ABCC4: variants seen among roughly 807,000 people sequenced by gnomAD.
The protein encoded by ABCC4 is ATP-binding cassette sub-family C member 4.
A neutral mutation model predicts 168.5 loss-of-function variants in ABCC4; 102 were observed. That is an observed-to-expected ratio of 0.61 (90% confidence interval 0.52 to 0.71). The LOEUF is 0.71. Among genes scored for constraint, ABCC4 ranks in the 30% least tolerant of loss-of-function variants. The pLI is 0.00. For synonymous variants in ABCC4, 617 were observed against 590.7 expected, an observed-to-expected ratio of 1.04 and a Z score of -0.65; for missense variants, 1,402 against 1,605.8, an observed-to-expected ratio of 0.87 and a Z score of 2.17.
At chr13:95,231,624 G>T (rs1242114804) in intron 4 of ABCC4, among the ~76,000 whole-genome samples, 1 of 152,202 alleles carries the variant, frequency 6.6e-6, no homozygotes, top group African/African-American at 2.4e-5. Context: ...ACCTGGGCAT[G>T]TTTCCACATA....
intron 19 of ABCC4, among the ~76,000 whole-genome samples, chr13:95,118,440 C>T (rs942016227): frequency 1.3e-5 from 2 of 152,082 alleles, no homozygotes; most frequent in Admixed American, 6.6e-5. Flanking sequence ...GACGGGGTTT[C>T]ACCACGTTGG....
intron 8 of ABCC4, among the ~76,000 whole-genome samples, chr13:95,196,172 A>C (rs1292592633): frequency 6.6e-6 from 1 of 151,184 alleles, no homozygotes; most frequent in Non-Finnish European, 1.5e-5. Flanking sequence ...GAAACAGAAT[A>C]AACAACCTAG....
chr13:95,078,481 G>A (rs895903145), intron 21 of ABCC4, among the ~76,000 whole-genome samples: 18 of 152,148 alleles, frequency 1.2e-4, no homozygotes, highest in African/African-American at 3.9e-4. Context: ...CCTTTTACTC[G>A]TTATTTGTGT....
chr13:95,165,725 A>T (rs1423519389), intron 15 of ABCC4, among the ~76,000 whole-genome samples: 1 of 152,264 alleles, frequency 6.6e-6, no homozygotes, highest in Non-Finnish European at 1.5e-5. Context: ...CTGCAGCATC[A>T]GAACATTCCA....
chr13:95,019,923 A>G lies in ABCC4; in HGVS notation c.*1652T>C, dbSNP rs937315562. The G allele has an allele frequency of 1.3e-5, 2 of 152,256 alleles. No individual in the cohort carries two copies. The highest frequency in any genetic ancestry group is 1.5e-5 in the Non-Finnish European group (1 of 68,040). 9.4% of individuals were successfully genotyped at this position (152,256 alleles called of 1,614,324 possible). A position where few individuals can be genotyped will look rare whatever the true frequency, so the allele number is the denominator to read the frequency against. On this transcript the variant is annotated 3_prime_UTR_variant, in exon 31 of 31. Transcript: ENST00000645237. The stretch of plus-strand genomic sequence containing the variant: ...ATTAAAACAGAAACAGGACGTTTAT[A>G]TGACTGTCTTTAACCTCAAAAGTCC...
intron 19 of ABCC4, among the ~76,000 whole-genome samples, chr13:95,121,485 G>A (rs1325041359): frequency 6.8e-6 from 1 of 146,152 alleles, no homozygotes; most frequent in African/African-American, 2.6e-5. Context: ...AAGGCTCACT[G>A]GAGCCTTGAC....
chr13:95,141,534 T>G (rs1346350543), intron 19 of ABCC4, among the ~76,000 whole-genome samples: 1 of 149,014 alleles, frequency 6.7e-6, no homozygotes, highest in Non-Finnish European at 1.5e-5. Flanking sequence ...TCTGACTAAG[T>G]TGCAGCTTAC....
rs1463135681 is a variant in ABCC4 at position 95,256,276 on chromosome 13, G to A, written c.75-8523C>T. Among the ~76,000 whole-genome samples, 4 of 152,308 alleles carry A rather than the reference G, an allele frequency of 2.6e-5. No individual in the cohort carries two copies. The East Asian group carries it at 7.7e-4, about 29-fold the overall frequency. On this transcript the variant is annotated intron_variant, in intron 1 of 30. Transcript: ENST00000645237. ...TAATTATTTCTGCAGCCCAAGTTAT[G>A]CGGCTGACTCATAAGGAGATGAAAG...
intron 14 of ABCC4, 31 bp downstream of exon 14, chr13:95,170,501 C>G: frequency 6.9e-7 from 1 of 1,444,560 alleles, no homozygotes; most frequent in Non-Finnish European, 9.6e-7. Context: ...CAAGTACTTG[C>G]AAGTTCGGGA....
chr13:95,172,010 A>T (rs892578638), intron 13 of ABCC4, among the ~76,000 whole-genome samples: 2 of 152,202 alleles, frequency 1.3e-5, no homozygotes, highest in African/African-American at 4.8e-5. Flanking sequence ...GATGTTAATG[A>T]TCAAATCTGA....
chr13:95,147,160 T>C (rs1423940234), intron 19 of ABCC4, among the ~76,000 whole-genome samples: 1 of 152,158 alleles, frequency 6.6e-6, no homozygotes, highest in African/African-American at 2.4e-5. Flanking sequence ...GGCAAGCAGG[T>C]GGAAAATTAG....
chr13:95,180,338 G>A (rs1489166050), intron 11 of ABCC4, among the ~76,000 whole-genome samples: 1 of 152,096 alleles, frequency 6.6e-6, no homozygotes, highest in Non-Finnish European at 1.5e-5. Flanking sequence ...TGGATCACCT[G>A]AGGTCAGGAG....
chr13:95,253,084 T>A (rs1477030163), intron 1 of ABCC4, among the ~76,000 whole-genome samples: 1 of 152,214 alleles, frequency 6.6e-6, no homozygotes, highest in Non-Finnish European at 1.5e-5. Context: ...CCTTCCTGTG[T>A]TTCTAAGGAA....
At chr13:95,258,032 G>T (rs987390495) in intron 1 of ABCC4, among the ~76,000 whole-genome samples, 1 of 152,086 alleles carries the variant, frequency 6.6e-6, no homozygotes, top group Non-Finnish European at 1.5e-5. Context: ...CTTTCCAGGT[G>T]CATTTGTCCC....
At chr13:95,106,225 G>A (rs2034998877) in intron 20 of ABCC4, among the ~76,000 whole-genome samples, 1 of 151,970 alleles carries the variant, frequency 6.6e-6, no homozygotes, top group African/African-American at 2.4e-5. Flanking sequence ...ATCTATTACA[G>A]CCACAAATGT....
Position 95,121,792 on chromosome 13 carries a change from A to G in ABCC4, c.2456-5791T>C, listed in dbSNP as rs1188219933. Among the ~76,000 whole-genome samples the G allele has an allele frequency of 3.3e-5, 5 of 152,164 alleles. No individual in the cohort carries two copies. The South Asian group carries it at 1.0e-3, about 32-fold the overall frequency. ...AGAGGATGAAGAGGAGGCCAAGCAC[A>G]CCCAACCCCAGACACCTCATCTCCT... is the stretch of plus-strand genomic sequence containing the variant. On this transcript the variant is annotated intron_variant, in intron 19 of 30. Coordinates refer to ENST00000645237, the MANE Select transcript of ABCC4 (RefSeq NM_005845.5).
chr13:95,043,773 A>G lies in ABCC4; in HGVS notation c.3644T>C (p.Ile1215Thr), dbSNP rs979620829. 3.1e-6 allele frequency: 5 copies of G among 1,612,804 alleles called. No individual in the cohort carries two copies. Among genetic ancestry groups the G allele is most frequent in the African/African-American group, 1.3e-5 (1 of 74,816 alleles). Residue 1215 changes from isoleucine to threonine, a missense_variant, in exon 29 of 31, where the codon ATA becomes ACA. Physicochemically the swap from Ile to Thr is moderately conservative, Grantham distance 89. This residue lies in a region of ABCC4 where 1,007 missense variants were observed against 1,127.3 expected (regional missense o/e 0.89). Coordinates refer to ENST00000645237, the MANE Select transcript of ABCC4 (RefSeq NM_005845.5). ...ANVDPRTDEL[I>T]QKKIREKFAH... is the part of the protein sequence containing the mutation. Reference sequence around the variant, plus strand: ...AAATTTCTCCCGGATTTTTTTTTGTATTAACTCATCAGTTCTGCAATCAAA... The same window carrying G: ...AAATTTCTCCCGGATTTTTTTTTGTGTTAACTCATCAGTTCTGCAATCAAA...
intron 1 of ABCC4, among the ~76,000 whole-genome samples, chr13:95,270,187 G>A (rs2040809777): frequency 6.6e-6 from 1 of 151,904 alleles, no homozygotes; most frequent in South Asian, 2.1e-4. Context: ...TATTAATATT[G>A]GTGTTATCTG....
At chr13:95,095,519 T>C in intron 20 of ABCC4, among the ~76,000 whole-genome samples, 1 of 152,026 alleles carries the variant, frequency 6.6e-6, no homozygotes, top group East Asian at 1.9e-4. Flanking sequence ...AATGATACAA[T>C]GGACTTTGGG....
Sources: gnomAD v4.1 joint callset for allele counts (sites outside exome capture counted in the v4.1 genomes callset) on GRCh38, gnomAD v4.1.1 for gene constraint, gnomAD v4.1.1 regional missense constraint, MANE v1.5 for transcripts, NCBI Gene and HGNC (gene_info 2026-07-23, HGNC 2026-07-21) for gene names.